Variants in DIP2B observed in about 807,000 individuals in gnomAD.
The protein encoded by DIP2B is disco-interacting protein 2 homolog B.
A neutral mutation model predicts 198.0 loss-of-function variants in DIP2B; 76 were observed. The ratio of observed to expected loss-of-function variants is 0.38; its 90% CI spans 0.32 to 0.46. The LOEUF (loss-of-function observed/expected upper bound fraction) is 0.46. Ranked by LOEUF, DIP2B falls within the 20% of genes least tolerant of loss-of-function variation. The pLI is 0.99. For missense variants in DIP2B, 1,559 were observed against 1,978.4 expected (o/e 0.79, Z 4.02); for synonymous variants, 701 against 739.1 (o/e 0.95, Z 0.84).
chr12:50,540,619 G>A (rs979550084), intron 1 of DIP2B, among the ~76,000 whole-genome samples: 39 of 150,358 alleles, frequency 2.6e-4, no homozygotes, highest in Admixed American at 1.7e-3. Flanking sequence ...TGCGATCTCG[G>A]CTCACTGCAA....
chr12:50,617,280 C>T (rs888942537), intron 1 of DIP2B, among the ~76,000 whole-genome samples: 1 of 151,500 alleles, frequency 6.6e-6, no homozygotes, highest in Non-Finnish European at 1.5e-5. Context: ...CTCAGTCTCC[C>T]GAGTAGCTGG....
intron 31 of DIP2B, 47 bp from the exon 32 acceptor site, chr12:50,732,319 C>A: frequency 1.2e-6 from 2 of 1,607,138 alleles, no homozygotes; most frequent in Non-Finnish European, 1.7e-6. Flanking sequence ...CTGTTCAGTT[C>A]TTTTATGATC....
chr12:50,575,575 CAG>C lies in DIP2B; in HGVS notation c.101-50398_101-50397del, dbSNP rs564055178. On this transcript the variant is annotated intron_variant, in intron 1 of 37. Transcript: ENST00000301180. ...AGGCCTGGCTAATTTCTTATAGAGACAGAGTTTTGCTGTTTTCGCCCAGGCTA... is the reference window on the plus strand; with the variant it reads ...AGGCCTGGCTAATTTCTTATAGAGACAGTTTTGCTGTTTTCGCCCAGGCTA... 3.7e-3 allele frequency among the ~76,000 whole-genome samples: 557 copies of C among 152,214 alleles called. 6 individuals are homozygous for C. The highest frequency in any genetic ancestry group is 0.013 in the African/African-American group (521 of 41,524).
chr12:50,640,700 C>A, intron 2 of DIP2B, 24 bp from the exon 3 acceptor site: 1 of 1,609,986 alleles, frequency 6.2e-7, no homozygotes, highest in South Asian at 1.1e-5. Flanking sequence ...ACTGGATAAC[C>A]ATCTTTTAAA....
chr12:50,706,413 G>T, intron 20 of DIP2B, 125 bp from the exon 21 acceptor site: 1 of 1,175,026 alleles, frequency 8.5e-7, no homozygotes, highest in Non-Finnish European at 1.2e-6. Flanking sequence ...TCTAGAATCC[G>T]TAAAATATGG....
At chr12:50,555,937 C>T (rs779606623) in intron 1 of DIP2B, among the ~76,000 whole-genome samples, 7 of 152,298 alleles carry the variant, frequency 4.6e-5, no homozygotes, top group African/African-American at 9.6e-5. Flanking sequence ...AGAAACTATT[C>T]TGAACAGCAG....
rs1351275825 is a variant in DIP2B at position 50,747,694 on chromosome 12, CTCTGGAACATATTCTG to C, written c.*2861_*2876del. On this transcript the variant is annotated 3_prime_UTR_variant, in exon 38 of 38. Transcript: ENST00000301180. ...TAATAGAAACACAGCCTTTCCAATC[CTCTGGAACATATTCTG>C]TCTGGGTTTTTAATGTCTGTGGAAA... is the stretch of plus-strand genomic sequence containing the variant. 6.6e-6 allele frequency: 1 copy of C among 152,236 alleles called. No homozygotes were observed. The highest frequency in any genetic ancestry group is 2.4e-5 in the African/African-American group (1 of 41,464). 9.4% of individuals were successfully genotyped at this position (152,236 alleles called of 1,614,324 possible). A position where few individuals can be genotyped will look rare whatever the true frequency, so the allele number is the denominator to read the frequency against.
intron 1 of DIP2B, among the ~76,000 whole-genome samples, chr12:50,524,459 G>T (rs1333896472): frequency 6.6e-6 from 1 of 151,964 alleles, no homozygotes; most frequent in Admixed American, 6.6e-5. Flanking sequence ...CACCCATTGT[G>T]CTTCAGCCAC....
At chr12:50,574,878 G>C (rs996218588) in intron 1 of DIP2B, among the ~76,000 whole-genome samples, 1 of 152,208 alleles carries the variant, frequency 6.6e-6, no homozygotes, top group Non-Finnish European at 1.5e-5. Context: ...TTTGTTTATC[G>C]GAACGATGGG....
chr12:50,629,007 T>A (rs1937990414), intron 2 of DIP2B, among the ~76,000 whole-genome samples: 1 of 152,164 alleles, frequency 6.6e-6, no homozygotes, highest in Admixed American at 6.5e-5. Context: ...CCCTCCCAAG[T>A]AGCTGGGACT....
At position 50,732,429 on chromosome 12, in the gene DIP2B, G is replaced by A. The variant is rs200282822; in HGVS notation, c.3874G>A (p.Val1292Ile). Residue 1292 changes from valine (V) to isoleucine (I), a missense_variant, in exon 32 of 38, where the codon GTT becomes ATT. Val to Ile is a conservative substitution (Grantham distance 29). Coordinates refer to ENST00000301180, the MANE Select transcript of DIP2B (RefSeq NM_173602.3). ...CVVVAEERPR[V>I]ALQQSFSKLF... ...GGTGGTGGCGGAGGAGAGGCCCCGCGTTGCACTCCAGCAGTCCTTCTCTAA... is the reference window on the plus strand; with the variant it reads ...GGTGGTGGCGGAGGAGAGGCCCCGCATTGCACTCCAGCAGTCCTTCTCTAA... 681 of 1,614,228 alleles carry A rather than the reference G, an allele frequency of 4.2e-4. 6 individuals are homozygous for A. In the East Asian group the frequency reaches 8.0e-3, roughly 19 times the overall value.
intron 5 of DIP2B, among the ~76,000 whole-genome samples, chr12:50,672,498 A>T: frequency 6.6e-6 from 1 of 152,214 alleles, no homozygotes; most frequent in East Asian, 1.9e-4. Context: ...CTTGTTAAAT[A>T]TATTATCCTA....
chr12:50,567,479 G>A (rs1446530502), intron 1 of DIP2B, among the ~76,000 whole-genome samples: 1 of 152,142 alleles, frequency 6.6e-6, no homozygotes, highest in Non-Finnish European at 1.5e-5. Context: ...CTGTCTTTCA[G>A]AGTGTTTACC....
chr12:50,610,172 T>C (rs1005950103), intron 1 of DIP2B, among the ~76,000 whole-genome samples: 2 of 152,218 alleles, frequency 1.3e-5, no homozygotes, highest in African/African-American at 2.4e-5. Flanking sequence ...CTGCCTAATA[T>C]CACATTTCCA....
chr12:50,689,600 A>G (rs1046472468), intron 12 of DIP2B, among the ~76,000 whole-genome samples: 15 of 152,296 alleles, frequency 9.8e-5, no homozygotes, highest in Admixed American at 5.2e-4. Context: ...TACAACAGGA[A>G]GAGTTTCCAG....
intron 1 of DIP2B, among the ~76,000 whole-genome samples, chr12:50,586,792 C>T (rs575856540): frequency 6.6e-6 from 1 of 152,306 alleles, no homozygotes; most frequent in East Asian, 1.9e-4. Flanking sequence ...AGGCTGGTCT[C>T]AAACTCCTGA....
rs1384931132 is a variant in DIP2B at position 50,747,109 on chromosome 12, G to A, written c.*2270G>A. On this transcript the variant is annotated 3_prime_UTR_variant, in exon 38 of 38. Coordinates refer to ENST00000301180, the MANE Select transcript of DIP2B (RefSeq NM_173602.3). ...TAGGATCAATATAAAAATTATTAAT[G>A]AGTTATTTTACTTTTTTTCATATTA... 1 of 152,110 alleles carries A rather than the reference G, an allele frequency of 6.6e-6. No individual in the cohort carries two copies. The highest frequency in any genetic ancestry group is 2.4e-5 in the African/African-American group (1 of 41,412). 9.4% of individuals were successfully genotyped at this position (152,110 alleles called of 1,614,324 possible). A position where few individuals can be genotyped will look rare whatever the true frequency, so the allele number is the denominator to read the frequency against.
intron 37 of DIP2B, among the ~76,000 whole-genome samples, chr12:50,742,183 A>C (rs1488576595): frequency 1.3e-5 from 2 of 151,978 alleles, no homozygotes; most frequent in Non-Finnish European, 2.9e-5. Context: ...GGATCGCTTA[A>C]GCCCAGGAAT....
At chr12:50,545,417 C>G (rs1361397720) in intron 1 of DIP2B, among the ~76,000 whole-genome samples, 1 of 148,978 alleles carries the variant, frequency 6.7e-6, no homozygotes, top group Non-Finnish European at 1.5e-5. Context: ...GTTCTGTCAC[C>G]CAGCCTAGAG....
Sources: gnomAD v4.1 joint callset for allele counts (sites outside exome capture counted in the v4.1 genomes callset) on GRCh38, gnomAD v4.1.1 for gene constraint, MANE v1.5 for transcripts, NCBI Gene and HGNC (gene_info 2026-07-23, HGNC 2026-07-21) for gene names.